POLR1A: variants seen among roughly 807,000 people sequenced by gnomAD.
POLR1A encodes DNA-directed RNA polymerase I subunit RPA1.
Under a neutral mutation model 205.3 loss-of-function variants are expected in POLR1A, and 84 were observed. The ratio of observed to expected loss-of-function variants is 0.41; its 90% CI spans 0.34 to 0.49. POLR1A has a LOEUF of 0.49. POLR1A is among the 20% of genes least tolerant of loss of function. The pLI is 0.22. For synonymous variants in POLR1A, 799 were observed against 863.7 expected (o/e 0.93, Z 1.31); for missense variants, 1,645 against 2,204.5 (o/e 0.75, Z 5.08).
rs1672319700 is a variant in POLR1A at position 86,028,709 on chromosome 2, G to C, written c.4782C>G (p.Val1594=). 1 of 1,611,732 alleles carries C rather than the reference G, an allele frequency of 6.2e-7. No individual in the cohort carries two copies. Residue 1594 remains valine (V), a splice_region_variant and synonymous_variant, in exon 32 of 34, where the codon GTC becomes GTG. Coordinates refer to ENST00000263857, the MANE Select transcript of POLR1A (RefSeq NM_015425.6). The surrounding 1 kb of genome is among the most constrained non-coding windows in gnomAD (Gnocchi z 4.5). ...NLPELFKYAE[V]LDLRRLYSND... ...TGGAGTAGAGGCGGCGCAGATCCAG[G>C]ACCTGGAGAGAGGAAGGAAGGGATT...
Position 86,027,517 on chromosome 2 carries a change from T to C in POLR1A, c.5069A>G (p.His1690Arg), listed in dbSNP as rs747265452. ...FLKQATMLGS[H>R]DELRSPSACL... ...GGCAGAAGGAGACCTCAGCTCATCGTGGGATCCTGACAGAGACACAAAAAC... is the reference window on the plus strand; with the variant it reads ...GGCAGAAGGAGACCTCAGCTCATCGCGGGATCCTGACAGAGACACAAAAAC... Residue 1690 changes from histidine to arginine, a missense_variant, in exon 34 of 34, where the codon CAC (histidine) becomes CGC (arginine). Around this residue, in one of 16 missense-constraint regions of POLR1A, gnomAD observed 86 missense variants for 149.8 expected, o/e 0.57. Transcript: ENST00000263857. 1.9e-6 allele frequency: 3 copies of C among 1,613,844 alleles called. No homozygotes were observed. Among genetic ancestry groups the C allele is most frequent in the Non-Finnish European group, 2.5e-6 (3 of 1,179,740 alleles).
At position 86,028,627 on chromosome 2, in the gene POLR1A, C is replaced by T. The variant is rs62147676; in HGVS notation, c.4864G>A (p.Glu1622Lys). ...YGIEAALRVI[E>K]KEIKDVFAVY... ...GCAAACACATCCTTGATCTCCTTCT[C>T]GATCACCCGCAGCGCGGCCTCAATG... The change falls in exon 32 of 34, where the codon GAG (glutamate) becomes AAG (lysine). Residue 1622 changes from glutamate (E) to lysine (K), a missense_variant. Glu to Lys is a moderately conservative substitution (Grantham distance 56). Transcript: ENST00000263857. This position sits in a 1 kb window ranked among gnomAD's most constrained non-coding sequence, Gnocchi z 4.5. 1.9e-6 allele frequency: 3 copies of T among 1,614,068 alleles called. No homozygotes were observed. The highest frequency in any genetic ancestry group is 1.1e-5 in the South Asian group (1 of 91,076).
chr2:86,088,847 CTTGCTCTCACACA>C lies in POLR1A; in HGVS notation c.551_563del (p.Val184GlyfsTer13). On this transcript the variant is annotated frameshift_variant, in exon 5 of 34. Coordinates refer to ENST00000263857, the MANE Select transcript of POLR1A (RefSeq NM_015425.6). LOFTEE classifies it high-confidence loss of function. ...TCCAGAAGAGAGCAATGAGCTTGCT[CTTGCTCTCACACA>C]CGTTCTTTACCTGTTTTTTTAAAAA... is the stretch of plus-strand genomic sequence containing the variant. 2 of 1,613,466 alleles carry C rather than the reference CTTGCTCTCACACA, an allele frequency of 1.2e-6. No homozygotes were observed. Among genetic ancestry groups the C allele is most frequent in the Non-Finnish European group, 1.7e-6 (2 of 1,179,474 alleles).
At chr2:86,080,773 T>C in intron 9 of POLR1A, 43 bp downstream of exon 9, 1 of 1,551,360 alleles carries the variant, frequency 6.4e-7, no homozygotes, top group South Asian at 1.2e-5. Context: ...GAGTTAGCAC[T>C]AAGCATGTGT....
At chr2:86,082,930 T>A (rs1284185744) in intron 7 of POLR1A, 152 bp downstream of exon 7, 1 of 584,976 alleles carries the variant, frequency 1.7e-6, no homozygotes, top group South Asian at 2.4e-5. Context: ...TCAATGTCAA[T>A]GTGCCCTGAA....
chr2:86,062,766 G>T (rs75109362), intron 14 of POLR1A, among the ~76,000 whole-genome samples: 5,277 of 151,534 alleles, frequency 0.035, 226 homozygotes, highest in East Asian at 0.23. Context: ...ACTTTTTTTT[G>T]AGAATAAAAC....
intron 2 of POLR1A, 69 bp downstream of exon 2, chr2:86,099,899 T>A: frequency 7.7e-7 from 1 of 1,306,266 alleles, no homozygotes; most frequent in Non-Finnish European, 1.1e-6. Context: ...ACCACTCTTG[T>A]GGGAGAGAGG....
rs577919958 is a variant in POLR1A at position 86,036,476 on chromosome 2, G to T, written c.4034+2224C>A. ...GACTCCACAGCTGGGAGAAGGGAGGGTGGGGGCAAAGAGAAAGAAAAAGAG... is the reference window on the plus strand; with the variant it reads ...GACTCCACAGCTGGGAGAAGGGAGGTTGGGGGCAAAGAGAAAGAAAAAGAG... On this transcript the variant is annotated intron_variant, in intron 27 of 33. Coordinates refer to ENST00000263857, the MANE Select transcript of POLR1A (RefSeq NM_015425.6). Among the ~76,000 whole-genome samples, 3 of 152,246 alleles carry T rather than the reference G, an allele frequency of 2.0e-5. No homozygotes were observed. In the East Asian group the frequency reaches 5.8e-4, roughly 29 times the overall value.
intron 25 of POLR1A, 25 bp downstream of exon 25, chr2:86,040,367 C>T (rs764219138): frequency 6.4e-7 from 1 of 1,563,378 alleles, no homozygotes; most frequent in South Asian, 1.2e-5. Context: ...ACAGACCCCA[C>T]CCTGTGCTCC....
intron 9 of POLR1A, among the ~76,000 whole-genome samples, chr2:86,079,029 T>C (rs1327881869): frequency 1.3e-5 from 2 of 152,130 alleles, no homozygotes; most frequent in African/African-American, 2.4e-5. Flanking sequence ...AGGAGACAGA[T>C]GGTCCCACGT....
At chr2:86,089,461 AAATT>A (rs1386293608) in intron 4 of POLR1A, among the ~76,000 whole-genome samples, 7 of 152,268 alleles carry the variant, frequency 4.6e-5, no homozygotes, top group Admixed American at 2.0e-4. Flanking sequence ...TTCGTTGAAC[AAATT>A]AATACTTAGG....
chr2:86,040,531 G>C lies in POLR1A; in HGVS notation c.3601C>G (p.Gln1201Glu). 3.1e-6 allele frequency: 5 copies of C among 1,595,440 alleles called. No homozygotes were observed. The highest frequency in any genetic ancestry group is 4.3e-6 in the Non-Finnish European group (5 of 1,170,766). ...TCGCCCGGCTCACACAGTGAGCGCT[G>C]CCACTTCAGCTGCAGCAAGGTCCTC... is the stretch of plus-strand genomic sequence containing the variant. ...RLRTLLQLKWQRSLCEPGEAV... is the reference protein window; with the variant it reads ...RLRTLLQLKWERSLCEPGEAV... The change falls in exon 25 of 34, where the codon CAG becomes GAG. Residue 1201 changes from glutamine to glutamate, a missense_variant. By Grantham distance (29) the Gln-to-Glu change is conservative. Around this residue, in one of 16 missense-constraint regions of POLR1A, gnomAD observed 201 missense variants for 222.3 expected, o/e 0.90. Coordinates refer to ENST00000263857, the MANE Select transcript of POLR1A (RefSeq NM_015425.6).
At chr2:86,037,661 T>C (rs1672524579) in intron 27 of POLR1A, among the ~76,000 whole-genome samples, 1 of 152,270 alleles carries the variant, frequency 6.6e-6, no homozygotes, top group South Asian at 2.1e-4. Context: ...GTCAGTGGCC[T>C]GTGGCCAGAT....
rs79465836 is a variant in POLR1A, at chr2:86,103,384, T to C, written c.77+2316A>G. Among the ~76,000 whole-genome samples, 731 of 152,056 alleles carry C rather than the reference T, an allele frequency of 4.8e-3. 10 individuals carry two copies. Among genetic ancestry groups the C allele is most frequent in the African/African-American group, 0.017 (708 of 41,468 alleles). ...CAGAATAGAGGTGAGATCAGAGAGG[T>C]AACAGGAGACTGAAATGACCCCTCC... On this transcript the variant is annotated intron_variant, in intron 1 of 33. Coordinates refer to ENST00000263857, the MANE Select transcript of POLR1A (RefSeq NM_015425.6).
chr2:86,027,844 G>A (rs751319950), intron 33 of POLR1A, 41 bp downstream of exon 33: 77 of 1,608,280 alleles, frequency 4.8e-5, no homozygotes, highest in Admixed American at 8.3e-5. Context: ...GCCCAGAGTC[G>A]TCAGTAGAGG....
At chr2:86,046,670 C>A (rs1438215388) in intron 19 of POLR1A, among the ~76,000 whole-genome samples, 1 of 151,884 alleles carries the variant, frequency 6.6e-6, no homozygotes, top group Non-Finnish European at 1.5e-5. Flanking sequence ...ATGGTGAAAC[C>A]CCGTCTCTAC....
chr2:86,104,805 C>A (rs1673889803), intron 1 of POLR1A, among the ~76,000 whole-genome samples: 1 of 152,162 alleles, frequency 6.6e-6, no homozygotes, highest in African/African-American at 2.4e-5. Flanking sequence ...CATTTAAGAT[C>A]TCTGTGTGAA....
intron 11 of POLR1A, among the ~76,000 whole-genome samples, chr2:86,076,540 C>T (rs1422761830): frequency 6.6e-6 from 1 of 152,230 alleles, no homozygotes; most frequent in Admixed American, 6.5e-5. Flanking sequence ...ATCCAAGGGG[C>T]CAGAGGCAGT....
intron 15 of POLR1A, among the ~76,000 whole-genome samples, chr2:86,053,546 A>C (rs1672844071): frequency 6.6e-6 from 1 of 152,224 alleles, no homozygotes; most frequent in Admixed American, 6.5e-5. Flanking sequence ...ATTAGAAGCT[A>C]ATGAACAGAA....
Sources: gnomAD v4.1 joint callset for allele counts (sites outside exome capture counted in the v4.1 genomes callset) on GRCh38, gnomAD v4.1.1 for gene constraint, gnomAD v4.1.1 regional missense constraint, Gnocchi (gnomAD v3.1) non-coding constraint, MANE v1.5 for transcripts, NCBI Gene and HGNC (gene_info 2026-07-23, HGNC 2026-07-21) for gene names.